FKTN: variants seen among roughly 807,000 people sequenced by gnomAD.
FKTN encodes ribitol-5-phosphate transferase FKTN.
A neutral mutation model predicts 58.6 loss-of-function variants in FKTN; 47 were observed. The observed-to-expected ratio is 0.80, with a 90% CI of 0.63 to 1.02. FKTN has a LOEUF of 1.02. FKTN is among the 50% of genes least tolerant of loss of function. FKTN has a pLI of 0.00. For synonymous variants in FKTN, 178 were observed against 191.9 expected (o/e 0.93, Z 0.60); for missense variants, 516 against 537.3 (o/e 0.96, Z 0.39).
Position 105,640,114 on chromosome 9 carries a change from G to C in FKTN, c.*4850G>C. ...TATCTCAACTAGGCAAGAATCAGCA[G>C]GGTGCATGATGCCATTTTAAGCTGC... On this transcript the variant is annotated 3_prime_UTR_variant, in exon 11 of 11. Coordinates refer to ENST00000357998, the MANE Select transcript of FKTN (RefSeq NM_001079802.2). 1 of 1,535,214 alleles carries C rather than the reference G, an allele frequency of 6.5e-7. No individual in the cohort carries two copies. Among genetic ancestry groups the C allele is most frequent in the Non-Finnish European group, 8.7e-7 (1 of 1,146,514 alleles).
intron 3 of FKTN, among the ~76,000 whole-genome samples, chr9:105,577,594 A>G (rs1285266050): frequency 2.0e-5 from 3 of 147,560 alleles, no homozygotes; most frequent in Non-Finnish European, 4.5e-5. Context: ...GTTTGAAGTC[A>G]GGTAGCGTGA....
intron 5 of FKTN, among the ~76,000 whole-genome samples, chr9:105,602,366 G>A (rs189102942): frequency 1.2e-3 from 179 of 152,296 alleles, no homozygotes; most frequent in African/African-American, 3.9e-3. Context: ...AATTTCTGAA[G>A]TATCTGTTGG....
intron 1 of FKTN, among the ~76,000 whole-genome samples, chr9:105,572,771 G>C (rs1472934776): frequency 2.0e-5 from 3 of 152,210 alleles, no homozygotes; most frequent in African/African-American, 7.2e-5. Flanking sequence ...ATGTTTAAAT[G>C]CTTTTCCCAC....
At chr9:105,575,297 G>T (rs942192637) in intron 3 of FKTN, among the ~76,000 whole-genome samples, 160 bp downstream of exon 3, 1 of 152,128 alleles carries the variant, frequency 6.6e-6, no homozygotes, top group Non-Finnish European at 1.5e-5. Context: ...AAATATACTT[G>T]TAATAGCACA....
In FKTN at chr9:105,574,969, A is replaced by T; in HGVS notation, c.-64A>T. On this transcript the variant is annotated 5_prime_UTR_variant, in exon 3 of 11. Coordinates refer to ENST00000357998, the MANE Select transcript of FKTN (RefSeq NM_001079802.2). ...GAAAACAAAATTATCTTCCTTTCCAAATCCAAAAAGATGAAAACGACTGAG... is the reference window on the plus strand; with the variant it reads ...GAAAACAAAATTATCTTCCTTTCCATATCCAAAAAGATGAAAACGACTGAG... The T allele has an allele frequency of 1.1e-6, 1 of 923,822 alleles. No homozygotes were observed. Among genetic ancestry groups the T allele is most frequent in the Non-Finnish European group, 1.8e-6 (1 of 551,438 alleles). 57.2% of individuals were successfully genotyped at this position (923,822 alleles called of 1,614,324 possible).
chr9:105,581,408 C>G (rs1286845037), intron 3 of FKTN, among the ~76,000 whole-genome samples: 3 of 148,566 alleles, frequency 2.0e-5, no homozygotes, highest in Non-Finnish European at 3.0e-5. Flanking sequence ...AGCTGCAGGT[C>G]TGTTGGAGTA....
chr9:105,617,922 C>T (rs531005947), intron 8 of FKTN, 37 bp from the exon 9 acceptor site: 23 of 1,392,424 alleles, frequency 1.7e-5, no homozygotes, highest in Non-Finnish European at 2.3e-5. Flanking sequence ...TTTTTCCAAA[C>T]CTAAATTTTG....
chr9:105,574,495 A>C (rs1005851731), intron 2 of FKTN, among the ~76,000 whole-genome samples: 1 of 151,884 alleles, frequency 6.6e-6, no homozygotes, highest in African/African-American at 2.4e-5. Context: ...CCTAGATCAC[A>C]CACAAACTTG....
At chr9:105,560,194 G>A (rs747528569) in intron 1 of FKTN, among the ~76,000 whole-genome samples, 4 of 152,226 alleles carry the variant, frequency 2.6e-5, no homozygotes, top group East Asian at 3.9e-4. Flanking sequence ...GGGATATAAC[G>A]ACGAGCAAGG....
Position 105,596,607 on chromosome 9 carries a change from G to C in FKTN, c.115G>C (p.Gly39Arg). The part of the protein sequence containing the change: ...KHYLSTKNGA[G>R]LSKSKGSRIG... The stretch of plus-strand genomic sequence containing the variant: ...TTTGTTGTCTTCCTAGAATGGAGCT[G>C]GTTTGTCAAAATCCAAAGGAAGCCG... The change falls in exon 4 of 11, where the codon GGT (glycine) becomes CGT (arginine). Residue 39 changes from glycine (G) to arginine (R), a missense_variant. Gly to Arg is a moderately radical substitution (Grantham distance 125, BLOSUM62 -2). Transcript: ENST00000357998. The C allele has an allele frequency of 6.2e-7, 1 of 1,612,192 alleles. No individual in the cohort carries two copies. The highest frequency in any genetic ancestry group is 2.2e-5 in the East Asian group (1 of 44,850).
At position 105,638,478 on chromosome 9, in the gene FKTN, G is replaced by A; in HGVS notation, c.*3214G>A. The A allele has an allele frequency of 1.0e-6, 1 of 985,428 alleles. No individual in the cohort carries two copies. The highest frequency in any genetic ancestry group is 1.7e-5 in the African/African-American group (1 of 57,352). The allele number at this position is 985,428 out of a possible 1,614,324, so 61.0% of individuals were successfully genotyped here. On this transcript the variant is annotated 3_prime_UTR_variant, in exon 11 of 11. Coordinates refer to ENST00000357998, the MANE Select transcript of FKTN (RefSeq NM_001079802.2). Reference sequence around the variant, plus strand: ...TTGGTACCTAATTCTCTAAGCTCAAGATGCATCCCATTGCCACTTTACCAT... The same window carrying A: ...TTGGTACCTAATTCTCTAAGCTCAAAATGCATCCCATTGCCACTTTACCAT...
chr9:105,630,346 T>C (rs1400567367), intron 10 of FKTN, among the ~76,000 whole-genome samples: 1 of 152,138 alleles, frequency 6.6e-6, no homozygotes, highest in African/African-American at 2.4e-5. Context: ...GATAAAATTT[T>C]CTAGAAAAAT....
At chr9:105,580,429 T>C (rs538411915) in intron 3 of FKTN, among the ~76,000 whole-genome samples, 11 of 144,752 alleles carry the variant, frequency 7.6e-5, no homozygotes, top group African/African-American at 2.6e-4. Context: ...CTTATGAAGC[T>C]TAGTTTGGCT....
At position 105,618,049 on chromosome 9, in the gene FKTN, C is replaced by T. The variant is rs1405799130; in HGVS notation, c.1001C>T (p.Ala334Val). ...IQDYKSDIIL[A>V]FQDAGLPLKH... is the part of the protein sequence containing the mutation. The stretch of plus-strand genomic sequence containing the variant: ...GATTACAAATCTGATATTATTTTAG[C>T]ATTTCAGGATGCAGGACTTCCGCTC... Residue 334 changes from alanine to valine, a missense_variant, in exon 9 of 11, where the codon GCA becomes GTA. Transcript: ENST00000357998. 1.9e-6 allele frequency: 3 copies of T among 1,610,454 alleles called. No individual in the cohort carries two copies. The highest frequency in any genetic ancestry group is 4.5e-5 in the East Asian group (2 of 44,842).
At chr9:105,624,907 T>C (rs758675464) in intron 10 of FKTN, among the ~76,000 whole-genome samples, 3 of 152,204 alleles carry the variant, frequency 2.0e-5, no homozygotes, top group Non-Finnish European at 2.9e-5. Context: ...TATTTTTTTG[T>C]GTCATATAAC....
At chr9:105,570,187 G>A (rs865953413) in intron 1 of FKTN, among the ~76,000 whole-genome samples, 3 of 151,758 alleles carry the variant, frequency 2.0e-5, no homozygotes, top group African/African-American at 7.3e-5. Context: ...AAAAGTTCCT[G>A]CAGAACAGAA....
rs886044660 is a variant in FKTN at position 105,607,941 on chromosome 9, C to T, written c.770C>T (p.Ala257Val). The stretch of plus-strand genomic sequence containing the variant: ...GAGTGTAGGTATAAAGAAGCTCGAG[C>T]ATTCTTTCAGGTTAGAGACAACCAA... Reference protein sequence around the residue: ...FIECRYKEARAFFQQYLDDNT... With the variant: ...FIECRYKEARVFFQQYLDDNT... Residue 257 changes from alanine (A) to valine (V), a missense_variant, in exon 7 of 11, where the codon GCA becomes GTA. Coordinates refer to ENST00000357998, the MANE Select transcript of FKTN (RefSeq NM_001079802.2). 2 of 1,611,522 alleles carry T rather than the reference C, an allele frequency of 1.2e-6. No homozygotes were observed. Among genetic ancestry groups the T allele is most frequent in the East Asian group, 4.5e-5 (2 of 44,808 alleles).
chr9:105,584,588 G>T (rs563538189), intron 3 of FKTN, among the ~76,000 whole-genome samples: 1 of 152,214 alleles, frequency 6.6e-6, no homozygotes, highest in South Asian at 2.1e-4. Flanking sequence ...GGGACACTGA[G>T]GTGTGCAGAT....
chr9:105,590,929 G>A lies in FKTN; in HGVS notation c.106-5669G>A, dbSNP rs116239606. Among the ~76,000 whole-genome samples the A allele has an allele frequency of 8.4e-3, 1,278 of 152,176 alleles. 20 individuals carry two copies. Among genetic ancestry groups the A allele is most frequent in the African/African-American group, 0.029 (1,212 of 41,500 alleles). The stretch of plus-strand genomic sequence containing the variant: ...GTGGCAGCAGGTGAAGGGGGAGCCC[G>A]CACCTCACATGGCCAGAGCAGGAGG... On this transcript the variant is annotated intron_variant, in intron 3 of 10. Coordinates refer to ENST00000357998, the MANE Select transcript of FKTN (RefSeq NM_001079802.2).
Sources: gnomAD v4.1 joint callset for allele counts (sites outside exome capture counted in the v4.1 genomes callset) on GRCh38, gnomAD v4.1.1 for gene constraint, MANE v1.5 for transcripts, NCBI Gene and HGNC (gene_info 2026-07-23, HGNC 2026-07-21) for gene names.